The following NUF2 variants were observed in gnomAD, a reference collection of about 807,000 sequenced individuals.
The protein encoded by NUF2 is NUF2 component of NDC80 kinetochore complex.
In NUF2, 34 loss-of-function variants were observed where a neutral mutation model predicts 61.8. The ratio of observed to expected loss-of-function variants is 0.55; its 90% CI spans 0.42 to 0.73. NUF2 has a LOEUF of 0.73. Among genes scored for constraint, NUF2 ranks in the 30% least tolerant of loss-of-function variants. The pLI, the probability that NUF2 is intolerant of heterozygous loss-of-function variation, is 0.00. For missense variants in NUF2, 445 were observed against 539.1 expected (o/e 0.83, Z 1.73); for synonymous variants, 172 against 181.6 (o/e 0.95, Z 0.42).
At chr1:163,342,711 T>C (rs17362938) in intron 9 of NUF2, among the ~76,000 whole-genome samples, 63,139 of 151,724 alleles carry the variant, frequency 0.42, 13,525 homozygotes, top group South Asian at 0.59. Flanking sequence ...TATACACACA[T>C]ATAGAGAGAG....
intron 9 of NUF2, among the ~76,000 whole-genome samples, chr1:163,341,721 G>A (rs771147648): frequency 3.3e-5 from 5 of 151,838 alleles, no homozygotes; most frequent in East Asian, 1.9e-4. Flanking sequence ...TCTGCCTCCC[G>A]GGTTCAAGGG....
At chr1:163,329,779 G>A (rs1650538311) in intron 5 of NUF2, among the ~76,000 whole-genome samples, 1 of 152,136 alleles carries the variant, frequency 6.6e-6, no homozygotes, top group Non-Finnish European at 1.5e-5. Flanking sequence ...GATGTTTAGA[G>A]CAACTTTATT....
chr1:163,336,316 C>A (rs12722917), intron 5 of NUF2, among the ~76,000 whole-genome samples: 25,699 of 152,076 alleles, frequency 0.17, 2,268 homozygotes, highest in Non-Finnish European at 0.19. Flanking sequence ...CTTGACCCAG[C>A]AAGATGTACA....
At chr1:163,349,599 T>TA (rs1398254339) in intron 13 of NUF2, among the ~76,000 whole-genome samples, 2 of 152,218 alleles carry the variant, frequency 1.3e-5, no homozygotes, top group African/African-American at 4.8e-5. Flanking sequence ...AAACCGCTGA[T>TA]ACCTGATAAA....
Position 163,335,144 on chromosome 1 carries a change from G to A in NUF2, c.338-1607G>A, listed in dbSNP as rs180811521. Among the ~76,000 whole-genome samples the A allele has an allele frequency of 9.1e-4, 139 of 152,168 alleles. 1 individual carries two copies. Among genetic ancestry groups the A allele is most frequent in the African/African-American group, 3.3e-3 (136 of 41,526 alleles). ...AATTTTTGTATTTTTAGTAGAGAAG[G>A]GGTTTCATCATGTTGGCCAGGATGG... On this transcript the variant is annotated intron_variant, in intron 5 of 13. Transcript: ENST00000271452.
intron 5 of NUF2, among the ~76,000 whole-genome samples, chr1:163,330,341 A>G (rs1209873017): frequency 6.6e-6 from 1 of 152,226 alleles, no homozygotes; most frequent in Non-Finnish European, 1.5e-5. Context: ...CTTTGAACTT[A>G]AAACTCCTTT....
At chr1:163,353,433 T>C (rs1310040303) in intron 13 of NUF2, among the ~76,000 whole-genome samples, 2 of 152,190 alleles carry the variant, frequency 1.3e-5, no homozygotes, top group African/African-American at 4.8e-5. Flanking sequence ...CTGAATACTG[T>C]AGCCAGTAGG....
At chr1:163,352,608 T>A (rs1166545608) in intron 13 of NUF2, among the ~76,000 whole-genome samples, 1 of 152,192 alleles carries the variant, frequency 6.6e-6, no homozygotes. Flanking sequence ...GGCTCACGCC[T>A]GTAATCCCAG....
In NUF2 at chr1:163,347,847, A is replaced by T; in HGVS notation, c.1033A>T (p.Met345Leu). 1 of 1,612,436 alleles carries T rather than the reference A, an allele frequency of 6.2e-7. No individual in the cohort carries two copies. The change falls in exon 12 of 14, where the codon ATG becomes TTG. Residue 345 changes from methionine (M) to leucine (L), a missense_variant. Physicochemically the swap from Met to Leu is conservative, Grantham distance 15. Transcript: ENST00000271452. ...TGAAGAAAATTCGTTCAAAAGACTG[A>T]TGATTGTGAAGAAGGAAAAACTTGC... ...KTEENSFKRL[M>L]IVKKEKLATA...
chr1:163,353,061 G>A (rs1651375411), intron 13 of NUF2, among the ~76,000 whole-genome samples: 1 of 152,012 alleles, frequency 6.6e-6, no homozygotes, highest in African/African-American at 2.4e-5. Flanking sequence ...GTAATATGTG[G>A]CTATTTACAT....
chr1:163,332,320 T>A (rs1197107498), intron 5 of NUF2, among the ~76,000 whole-genome samples: 3 of 152,198 alleles, frequency 2.0e-5, no homozygotes, highest in African/African-American at 4.8e-5. Flanking sequence ...GTAAGTTATT[T>A]CTTTTGTGAT....
At chr1:163,346,251 TA>T (rs111703123) in intron 11 of NUF2, 63,185 of 151,942 alleles carry the variant, frequency 0.42, 13,530 homozygotes, top group South Asian at 0.59. Flanking sequence ...TAATTACTAA[TA>T]AAAGAACATT....
chr1:163,329,981 A>G (rs994882834), intron 5 of NUF2, among the ~76,000 whole-genome samples: 1 of 152,180 alleles, frequency 6.6e-6, no homozygotes, highest in African/African-American at 2.4e-5. Flanking sequence ...TCATTCTGGA[A>G]AGGGCAATAT....
rs1233275349 is a variant in NUF2, at chr1:163,340,180, C to T, written c.607-184C>T. The T allele has an allele frequency of 7.3e-5, 38 of 520,780 alleles. 1 individual carries two copies. In the South Asian group the frequency reaches 1.2e-3, roughly 16 times the overall value. 32.3% of individuals were successfully genotyped at this position (520,780 alleles called of 1,614,324 possible). A position where few individuals can be genotyped will look rare whatever the true frequency, so the allele number is the denominator to read the frequency against. On this transcript the variant is annotated intron_variant, in intron 8 of 13. Coordinates refer to ENST00000271452, the MANE Select transcript of NUF2 (RefSeq NM_145697.3). ...ATACTAGGCCATTATTTGGAGTTAA[C>T]TACTTAGTAAAGGAACTCTTAGATA...
At position 163,343,766 on chromosome 1, in the gene NUF2, G is replaced by A. The variant is rs1227580213; in HGVS notation, c.703G>A (p.Glu235Lys). Reference sequence around the variant, plus strand: ...AAAATTGTCGGTGGTTTCTTTGAAAGAAATACAAGAGAGTTTGAAAACAAA... The same window carrying A: ...AAAATTGTCGGTGGTTTCTTTGAAAAAAATACAAGAGAGTTTGAAAACAAA... Reference protein sequence around the residue: ...ELKLSVVSLKEIQESLKTKIV... With the variant: ...ELKLSVVSLKKIQESLKTKIV... Residue 235 changes from glutamate (E) to lysine (K), a missense_variant, in exon 10 of 14, where the codon GAA becomes AAA. Glu to Lys is a moderately conservative substitution (Grantham distance 56). Transcript: ENST00000271452. 7.0e-7 allele frequency: 1 copy of A among 1,427,768 alleles called. No homozygotes were observed. 88.4% of individuals were successfully genotyped at this position (1,427,768 alleles called of 1,614,324 possible). A position where few individuals can be genotyped will look rare whatever the true frequency, so the allele number is the denominator to read the frequency against.
chr1:163,350,397 C>G (rs1452245622), intron 13 of NUF2, among the ~76,000 whole-genome samples: 1 of 151,978 alleles, frequency 6.6e-6, no homozygotes, highest in Non-Finnish European at 1.5e-5. Flanking sequence ...GGTCTAGGAA[C>G]AGTTAGTGAA....
At chr1:163,354,026 T>C (rs1651410801) in intron 13 of NUF2, among the ~76,000 whole-genome samples, 1 of 152,214 alleles carries the variant, frequency 6.6e-6, no homozygotes, top group African/African-American at 2.4e-5. Flanking sequence ...TATTCAGCTT[T>C]CTTTTTTGGA....
chr1:163,352,301 A>G (rs750735064), intron 13 of NUF2, among the ~76,000 whole-genome samples: 12 of 152,364 alleles, frequency 7.9e-5, no homozygotes, highest in Middle Eastern at 3.4e-3. Flanking sequence ...CATGGATTGC[A>G]GCAACATTTG....
chr1:163,348,816 A>G (rs1458155258), intron 12 of NUF2, 129 bp from the exon 13 acceptor site: 1 of 944,044 alleles, frequency 1.1e-6, no homozygotes, highest in African/African-American at 1.7e-5. Context: ...CTTTGCTTTT[A>G]TATCTTGAGA....
Sources: gnomAD v4.1 joint callset for allele counts (sites outside exome capture counted in the v4.1 genomes callset) on GRCh38, gnomAD v4.1.1 for gene constraint, MANE v1.5 for transcripts, NCBI Gene and HGNC (gene_info 2026-07-23, HGNC 2026-07-21) for gene names.